The following SUGCT variants were observed in gnomAD, a reference collection of about 807,000 sequenced individuals.
SUGCT encodes the protein succinyl-CoA:glutarate CoA-transferase.
SUGCT carries 41 observed loss-of-function variants against 55.0 expected under a neutral mutation model. The observed-to-expected ratio is 0.74, with a 90% CI of 0.58 to 0.97. The LOEUF (loss-of-function observed/expected upper bound fraction) is 0.97. SUGCT is among the 50% of genes least tolerant of loss of function. The pLI is 0.00. For synonymous variants in SUGCT, 187 were observed against 200.4 expected, an observed-to-expected ratio of 0.93 and a Z score of 0.56; for missense variants, 568 against 547.8, an observed-to-expected ratio of 1.04 and a Z score of -0.37.
chr7:40,780,980 A>G (rs1789715077), intron 13 of SUGCT, among the ~76,000 whole-genome samples: 1 of 152,154 alleles, frequency 6.6e-6, no homozygotes, highest in Non-Finnish European at 1.5e-5. Context: ...AGTACAATGC[A>G]TCTGATTTTA....
At chr7:40,628,378 A>G (rs1373312224) in intron 12 of SUGCT, among the ~76,000 whole-genome samples, 1 of 151,784 alleles carries the variant, frequency 6.6e-6, no homozygotes, top group African/African-American at 2.4e-5. Flanking sequence ...CTCAATAACC[A>G]TACTCACAAA....
At chr7:40,250,435 C>T (rs1178031272) in intron 7 of SUGCT, among the ~76,000 whole-genome samples, 2 of 150,500 alleles carry the variant, frequency 1.3e-5, no homozygotes, top group East Asian at 3.9e-4. Flanking sequence ...ATATATAATA[C>T]ATATTTATTA....
At chr7:40,251,220 T>C (rs1008271043) in intron 7 of SUGCT, among the ~76,000 whole-genome samples, 8 of 152,240 alleles carry the variant, frequency 5.3e-5, no homozygotes, top group Non-Finnish European at 8.8e-5. Context: ...CATTCGTTCC[T>C]TCCATCTTCC....
intron 12 of SUGCT, among the ~76,000 whole-genome samples, chr7:40,622,528 GTTT>G (rs370877783): frequency 2.4e-5 from 2 of 81,830 alleles, no homozygotes; most frequent in South Asian, 9.8e-4. Context: ...TGTTGTGGTT[GTTT>G]TTTTTTTTTT....
rs112781107 is a variant in SUGCT, at chr7:40,216,239, C to T, written c.484+21179C>T. 4.3e-4 allele frequency among the ~76,000 whole-genome samples: 65 copies of T among 151,920 alleles called. 1 individual carries two copies. The highest frequency in any genetic ancestry group is 1.4e-3 in the African/African-American group (56 of 41,458). On this transcript the variant is annotated intron_variant, in intron 6 of 13. Coordinates refer to ENST00000335693, the MANE Select transcript of SUGCT (RefSeq NM_001193313.2). ...AGATGGGGCTGGGCGTGGTAGCTCA[C>T]GCCTGTAATCCCAGCACTTTGGGAG...
In SUGCT at chr7:40,242,906, CATATATATATATATATAT is replaced by C. The variant is rs1159693206; in HGVS notation, c.576+5191_576+5208del. ...GAATATCTGGTACTGTGCTATGTGG[CATATATATATATATATAT>C]ATATATATATTTTTTTTTTTTTTTT... On this transcript the variant is annotated intron_variant, in intron 7 of 13. Coordinates refer to ENST00000335693, the MANE Select transcript of SUGCT (RefSeq NM_001193313.2). 1.2e-4 allele frequency among the ~76,000 whole-genome samples: 4 copies of C among 32,232 alleles called. 1 individual carries two copies. The highest frequency in any genetic ancestry group is 6.5e-4 in the Admixed American group (1 of 1,530). The allele number at this position is 32,232 out of a possible 152,430, so 21.1% of individuals were successfully genotyped here. A position where few individuals can be genotyped will look rare whatever the true frequency, so the allele number is the denominator to read the frequency against.
At chr7:40,582,298 C>T (rs2151713551) in intron 12 of SUGCT, among the ~76,000 whole-genome samples, 1 of 152,196 alleles carries the variant, frequency 6.6e-6, no homozygotes, top group South Asian at 2.1e-4. Context: ...TTGGTATAAT[C>T]TGTACGTGAT....
At position 40,426,800 on chromosome 7, in the gene SUGCT, T is replaced by G. The variant is rs542883820; in HGVS notation, c.817-22487T>G. Among the ~76,000 whole-genome samples the G allele has an allele frequency of 3.3e-5, 5 of 152,220 alleles. No homozygotes were observed. In the South Asian group the frequency reaches 8.3e-4, roughly 25 times the overall value. On this transcript the variant is annotated intron_variant, in intron 9 of 13. Transcript: ENST00000335693. The stretch of plus-strand genomic sequence containing the variant: ...TATATTTTAAGAATGGCACATTTAA[T>G]TTATTATTTTTTAATTTTTAATTTT...
At chr7:40,555,578 G>A (rs1246214323) in intron 12 of SUGCT, among the ~76,000 whole-genome samples, 15 of 152,134 alleles carry the variant, frequency 9.9e-5, no homozygotes, top group Non-Finnish European at 1.2e-4. Context: ...AGGCATCACA[G>A]TCTCCTGCGG....
the SUGCT span, among the ~76,000 whole-genome samples, chr7:41,006,182 C>A: frequency 6.6e-6 from 1 of 152,174 alleles, no homozygotes; most frequent in Non-Finnish European, 1.5e-5. Flanking sequence ...GCGCTTTATC[C>A]TATCCAAAGT....
rs189789947 is a variant in SUGCT at position 40,626,955 on chromosome 7, C to A, written c.1090-122479C>A. Among the ~76,000 whole-genome samples, 400 of 152,298 alleles carry A rather than the reference C, an allele frequency of 2.6e-3. 1 individual carries two copies. Among genetic ancestry groups the A allele is most frequent in the Non-Finnish European group, 4.6e-3 (315 of 68,036 alleles). On this transcript the variant is annotated intron_variant, in intron 12 of 13. Transcript: ENST00000335693. ...AAAACATCAAGTAGTTTCAACACTG[C>A]AAGTTGAAGGAAGGCAATATGATGA... is the stretch of plus-strand genomic sequence containing the variant.
At chr7:40,978,769 C>T in the SUGCT span, among the ~76,000 whole-genome samples, 1 of 152,096 alleles carries the variant, frequency 6.6e-6, no homozygotes, top group African/African-American at 2.4e-5. Flanking sequence ...GTTCCAGGAA[C>T]CAAAGGGGCA....
chr7:40,483,941 C>T (rs886772805), intron 11 of SUGCT, among the ~76,000 whole-genome samples: 2 of 152,160 alleles, frequency 1.3e-5, no homozygotes, highest in African/African-American at 4.8e-5. Context: ...TGTCTAGTTT[C>T]TGACTGAGAG....
intron 9 of SUGCT, among the ~76,000 whole-genome samples, chr7:40,434,286 A>T (rs1465589486): frequency 1.3e-5 from 2 of 152,108 alleles, no homozygotes; most frequent in Non-Finnish European, 2.9e-5. Context: ...TACTATTCAG[A>T]TTGTATCTTG....
intron 9 of SUGCT, among the ~76,000 whole-genome samples, chr7:40,332,321 T>A (rs1796356173): frequency 6.6e-6 from 1 of 152,194 alleles, no homozygotes; most frequent in Non-Finnish European, 1.5e-5. Context: ...TGATGTGACA[T>A]CACCTGTATT....
chr7:40,831,783 C>A (rs1232025537), intron 13 of SUGCT, among the ~76,000 whole-genome samples: 1 of 152,182 alleles, frequency 6.6e-6, no homozygotes, highest in Non-Finnish European at 1.5e-5. Flanking sequence ...TTACTATTCA[C>A]CCCAACCCCA....
chr7:40,681,297 G>A (rs1466214944), intron 12 of SUGCT, among the ~76,000 whole-genome samples: 2 of 152,116 alleles, frequency 1.3e-5, no homozygotes, highest in South Asian at 4.2e-4. Flanking sequence ...GGAGGGCAGA[G>A]GCGCTGAAGG....
intron 13 of SUGCT, among the ~76,000 whole-genome samples, chr7:40,837,426 C>A (rs1563038696): frequency 6.6e-6 from 1 of 152,060 alleles, no homozygotes; most frequent in Non-Finnish European, 1.5e-5. Context: ...AAATAGTTTC[C>A]ATTCTGATGA....
At chr7:40,493,275 T>G (rs532212486) in intron 11 of SUGCT, among the ~76,000 whole-genome samples, 5 of 152,166 alleles carry the variant, frequency 3.3e-5, no homozygotes, top group Non-Finnish European at 7.4e-5. Context: ...TAATACTGTA[T>G]AGTGTGGTTG....
Sources: gnomAD v4.1 joint callset for allele counts (sites outside exome capture counted in the v4.1 genomes callset) on GRCh38, gnomAD v4.1.1 for gene constraint, MANE v1.5 for transcripts, NCBI Gene and HGNC (gene_info 2026-07-23, HGNC 2026-07-21) for gene names.